Variants in COL6A6 observed in about 807,000 individuals in gnomAD.
COL6A6 encodes collagen type VI alpha 6 chain.
A neutral mutation model predicts 208.6 loss-of-function variants in COL6A6; 183 were observed. That is an observed-to-expected ratio of 0.88 (90% CI 0.78 to 0.99). The LOEUF (loss-of-function observed/expected upper bound fraction) is 0.99, where lower values mean the gene tolerates loss of function less well. Ranked by LOEUF, COL6A6 falls within the 50% of genes least tolerant of loss-of-function variation. COL6A6 has a pLI of 0.00. For synonymous variants in COL6A6, 973 were observed against 1,011.8 expected (o/e 0.96, Z 0.73); for missense variants, 2,816 against 2,815.2 (o/e 1.00, Z -0.01).
rs1026835873 is a variant in COL6A6, at chr3:130,517,214, C to T, written c.-215C>T. Among the ~76,000 whole-genome samples, 1 of 152,248 alleles carries T rather than the reference C, an allele frequency of 6.6e-6. No homozygotes were observed. The highest frequency in any genetic ancestry group is 2.1e-4 in the South Asian group (1 of 4,832). ...CCTGCGGGACACCGGAGTCAAGAGG[C>T]TGCCCACGCCGCTGCCTGTCCGTTC... is the stretch of plus-strand genomic sequence containing the variant. On this transcript the variant is annotated 5_prime_UTR_variant, in exon 1 of 37. Coordinates refer to ENST00000358511, the MANE Select transcript of COL6A6 (RefSeq NM_001102608.3).
At chr3:130,622,849 T>C (rs1239358543) in intron 24 of COL6A6, among the ~76,000 whole-genome samples, 1 of 151,656 alleles carries the variant, frequency 6.6e-6, no homozygotes, top group Non-Finnish European at 1.5e-5. Context: ...AGAGCGAGAC[T>C]CTGTCTCAAA....
rs757836014 is a variant in COL6A6, at chr3:130,574,465, G to A, written c.3487G>A (p.Glu1163Lys). 6.2e-7 allele frequency: 1 copy of A among 1,614,016 alleles called. No homozygotes were observed. The highest frequency in any genetic ancestry group is 1.1e-5 in the South Asian group (1 of 91,084). ...EKKLTVHNFD[E>K]LKKVNKRIVR... is the part of the protein sequence containing the mutation. Reference sequence around the variant, plus strand: ...AAAACTGACAGTGCACAACTTCGATGAACTGAAGAAGGTCAATAAAAGGAT... The same window carrying A: ...AAAACTGACAGTGCACAACTTCGATAAACTGAAGAAGGTCAATAAAAGGAT... Residue 1163 changes from glutamate to lysine, a missense_variant, in exon 8 of 37, where the codon GAA (glutamate) becomes AAA (lysine). Physicochemically the swap from Glu to Lys is moderately conservative, Grantham distance 56. Transcript: ENST00000358511.
chr3:130,603,966 C>T (rs186795466), intron 20 of COL6A6, among the ~76,000 whole-genome samples: 15 of 152,232 alleles, frequency 9.9e-5, no homozygotes, highest in African/African-American at 3.6e-4. Flanking sequence ...ATTTTCTTTC[C>T]TGACGTGCCC....
intron 19 of COL6A6, among the ~76,000 whole-genome samples, chr3:130,598,808 T>C (rs1393106220): frequency 6.6e-6 from 1 of 152,192 alleles, no homozygotes; most frequent in Non-Finnish European, 1.5e-5. Context: ...ATATTAGTAG[T>C]ACATTATAAA....
At chr3:130,590,577 C>T (rs1328537773) in intron 12 of COL6A6, among the ~76,000 whole-genome samples, 10 of 147,868 alleles carry the variant, frequency 6.8e-5, no homozygotes, top group Non-Finnish European at 1.3e-4. Context: ...TTTTTTGTCC[C>T]TTTTTTTTGA....
chr3:130,541,264 G>T (rs1047185664), intron 1 of COL6A6, among the ~76,000 whole-genome samples: 5 of 152,232 alleles, frequency 3.3e-5, no homozygotes, highest in Non-Finnish European at 7.4e-5. Flanking sequence ...ACAGTGATCA[G>T]ATTGGCTTTT....
chr3:130,566,635 C>T (rs1301807141), intron 4 of COL6A6, 67 bp from the exon 5 acceptor site: 1 of 1,323,750 alleles, frequency 7.6e-7, no homozygotes. Flanking sequence ...GTTCTTCTTT[C>T]CATGTGCTCT....
At chr3:130,617,864 C>T (rs1240834599) in intron 23 of COL6A6, among the ~76,000 whole-genome samples, 1 of 152,154 alleles carries the variant, frequency 6.6e-6, no homozygotes, top group Non-Finnish European at 1.5e-5. Flanking sequence ...CTTGGCAATG[C>T]CCCAACCATT....
chr3:130,656,685 T>C (rs1481829055), intron 33 of COL6A6, among the ~76,000 whole-genome samples: 2 of 152,294 alleles, frequency 1.3e-5, no homozygotes, highest in Admixed American at 1.3e-4. Context: ...TCTGCCTCCT[T>C]CTGTCATCCA....
At chr3:130,531,951 G>C (rs2062107374) in intron 1 of COL6A6, among the ~76,000 whole-genome samples, 1 of 152,168 alleles carries the variant, frequency 6.6e-6, no homozygotes, top group South Asian at 2.1e-4. Flanking sequence ...TATAGAGATA[G>C]CACAGGGGAA....
Position 130,662,257 on chromosome 3 carries a change from G to C in COL6A6, c.6451G>C (p.Asp2151His). ...CCAGCTTGGCCGAATTCATAAACCT[G>C]ACCACAGTTATGGTGTGAAGTTTGT... ...LVQLGRIHKP[D>H]HSYGVKFVKS... is the part of the protein sequence containing the mutation. Residue 2151 changes from aspartate to histidine, a missense_variant, in exon 35 of 37, where the codon GAC becomes CAC. Physicochemically the swap from Asp to His is moderately conservative, Grantham distance 81. Coordinates refer to ENST00000358511, the MANE Select transcript of COL6A6 (RefSeq NM_001102608.3). 1 of 1,613,962 alleles carries C rather than the reference G, an allele frequency of 6.2e-7. No individual in the cohort carries two copies. Among genetic ancestry groups the C allele is most frequent in the Non-Finnish European group, 8.5e-7 (1 of 1,179,882 alleles).
intron 1 of COL6A6, among the ~76,000 whole-genome samples, chr3:130,544,002 A>C (rs543492746): frequency 6.6e-6 from 1 of 152,214 alleles, no homozygotes; most frequent in African/African-American, 2.4e-5. Flanking sequence ...TATATCATTC[A>C]TCTAACACAG....
In COL6A6 at chr3:130,546,508, G is replaced by A. The variant is rs145761707; in HGVS notation, c.-31-13826G>A. 7.1e-4 allele frequency among the ~76,000 whole-genome samples: 108 copies of A among 152,276 alleles called. 2 individuals carry two copies. The East Asian group carries it at 0.012, about 17-fold the overall frequency. ...ACAGCATGGAAGAGGACCTAAGCAG[G>A]TTACCTTTGCTGGCTCAGGCAGCCT... On this transcript the variant is annotated intron_variant, in intron 1 of 36. Coordinates refer to ENST00000358511, the MANE Select transcript of COL6A6 (RefSeq NM_001102608.3).
In COL6A6 at chr3:130,661,803, A is replaced by C; in HGVS notation, c.5997A>C (p.Pro1999=). Residue 1999 remains proline (P), a synonymous_variant, in exon 35 of 37, where the codon CCA becomes CCC. Transcript: ENST00000358511. ...TATTAGATCACTTTGAAATCACCCC[A>C]GAGCCGGAGACTTCTGTCACTGGAG... ...GALLDHFEIT[P]EPETSVTGDR... 1 of 1,613,948 alleles carries C rather than the reference A, an allele frequency of 6.2e-7. No individual in the cohort carries two copies. The highest frequency in any genetic ancestry group is 8.5e-7 in the Non-Finnish European group (1 of 1,179,884).
intron 1 of COL6A6, among the ~76,000 whole-genome samples, chr3:130,534,138 G>A (rs936858092): frequency 1.3e-5 from 2 of 152,038 alleles, no homozygotes; most frequent in Non-Finnish European, 2.9e-5. Flanking sequence ...ATTCCCACCA[G>A]CCATGTATAT....
chr3:130,631,010 C>T (rs1331936219), intron 26 of COL6A6, among the ~76,000 whole-genome samples: 1 of 7,042 alleles, frequency 1.4e-4, no homozygotes, highest in African/African-American at 2.5e-3. Flanking sequence ...AGAGCAAACA[C>T]ATTCAAAAGC....
At chr3:130,521,722 A>C (rs1353707244) in intron 1 of COL6A6, among the ~76,000 whole-genome samples, 7 of 152,210 alleles carry the variant, frequency 4.6e-5, no homozygotes, top group Non-Finnish European at 1.0e-4. Flanking sequence ...TGACCCATGT[A>C]GGGTAGGCCA....
chr3:130,621,299 A>G (rs78589608), intron 23 of COL6A6, among the ~76,000 whole-genome samples: 5,815 of 152,282 alleles, frequency 0.038, 406 homozygotes, highest in African/African-American at 0.13. Context: ...ATCACTAGGA[A>G]AGAGAAAATT....
intron 12 of COL6A6, among the ~76,000 whole-genome samples, chr3:130,590,663 G>C (rs564851620): frequency 8.6e-4 from 131 of 152,050 alleles, no homozygotes; most frequent in African/African-American, 3.0e-3. Context: ...CGCCTCCCGG[G>C]TTCACGCCAG....
Sources: allele counts gnomAD v4.1 joint callset (sites outside exome capture counted in the v4.1 genomes callset), GRCh38; gene constraint gnomAD v4.1.1; transcripts MANE v1.5; gene names NCBI Gene and HGNC (gene_info 2026-07-23, HGNC 2026-07-21).